RASGEF1C: variants seen among roughly 807,000 people sequenced by gnomAD.
The protein encoded by RASGEF1C is RasGEF domain family member 1C.
Under a neutral mutation model 58.1 loss-of-function variants are expected in RASGEF1C, and 27 were observed. The ratio of observed to expected loss-of-function variants is 0.46; its 90% CI spans 0.34 to 0.64. The LOEUF (loss-of-function observed/expected upper bound fraction) is 0.64, where lower values mean the gene tolerates loss of function less well. RASGEF1C is among the 30% of genes least tolerant of loss of function. The probability of loss-of-function intolerance (pLI) is 0.01; values close to 1 mark genes in which losing one functional copy is unlikely to be tolerated. For synonymous variants in RASGEF1C, 243 were observed against 246.3 expected, an observed-to-expected ratio of 0.99 and a Z score of 0.13; for missense variants, 502 against 605.1, an observed-to-expected ratio of 0.83 and a Z score of 1.79.
At chr5:180,192,513 A>G (rs1187066572) in intron 1 of RASGEF1C, among the ~76,000 whole-genome samples, 5 of 152,308 alleles carry the variant, frequency 3.3e-5, no homozygotes, top group South Asian at 2.1e-4. Flanking sequence ...GAAAACATTT[A>G]AATGTTTTTC....
At chr5:180,119,275 C>T in intron 8 of RASGEF1C, 71 bp downstream of exon 8, 1 of 1,305,650 alleles carries the variant, frequency 7.7e-7, no homozygotes, top group East Asian at 2.3e-5. Flanking sequence ...CTCTGCCTGC[C>T]TGGCTGCACC....
intron 12 of RASGEF1C, among the ~76,000 whole-genome samples, chr5:180,109,241 G>A (rs1765916739): frequency 1.3e-5 from 2 of 152,096 alleles, no homozygotes; most frequent in Non-Finnish European, 1.5e-5. Context: ...TGGATCATGA[G>A]GTCAGGAGAT....
intron 1 of RASGEF1C, among the ~76,000 whole-genome samples, chr5:180,172,570 C>T (rs1163210669): frequency 6.6e-6 from 1 of 152,198 alleles, no homozygotes; most frequent in Non-Finnish European, 1.5e-5. Context: ...AAAGCCTAGC[C>T]CCGGGTGTCT....
intron 1 of RASGEF1C, among the ~76,000 whole-genome samples, chr5:180,202,330 T>C (rs1286579332): frequency 6.6e-6 from 1 of 152,116 alleles, no homozygotes; most frequent in African/African-American, 2.4e-5. Context: ...TAATGGTACA[T>C]AATATTTAAC....
At chr5:180,108,829 G>T (rs1009626825) in intron 12 of RASGEF1C, among the ~76,000 whole-genome samples, 1 of 152,226 alleles carries the variant, frequency 6.6e-6, no homozygotes, top group Admixed American at 6.5e-5. Flanking sequence ...CCCAGCTGGG[G>T]CTCAGTACAT....
intron 12 of RASGEF1C, among the ~76,000 whole-genome samples, chr5:180,103,103 A>C (rs1465848824): frequency 6.6e-6 from 1 of 152,046 alleles, no homozygotes; most frequent in African/African-American, 2.4e-5. Context: ...TTGAGACAGA[A>C]GTCTCGCTCT....
At chr5:180,163,184 T>G (rs1166528829) in intron 1 of RASGEF1C, among the ~76,000 whole-genome samples, 2 of 149,564 alleles carry the variant, frequency 1.3e-5, no homozygotes, top group African/African-American at 4.9e-5. Flanking sequence ...CAGTTTTAGT[T>G]CTTGCCTTCC....
intron 1 of RASGEF1C, 113 bp from the exon 2 acceptor site, chr5:180,138,171 C>T (rs1766519319): frequency 3.4e-6 from 2 of 594,114 alleles, no homozygotes; most frequent in South Asian, 4.8e-5. Flanking sequence ...CCCCCACAGC[C>T]ACTTTGTGCC....
intron 1 of RASGEF1C, among the ~76,000 whole-genome samples, chr5:180,169,448 G>T (rs62406104): frequency 0.045 from 6,893 of 152,224 alleles, 329 homozygotes; most frequent in African/African-American, 0.12. Context: ...AAATGCAGTG[G>T]TTGGGGGCAG....
At chr5:180,174,788 C>T (rs1336710111) in intron 1 of RASGEF1C, among the ~76,000 whole-genome samples, 3 of 152,162 alleles carry the variant, frequency 2.0e-5, no homozygotes, top group Non-Finnish European at 4.4e-5. Flanking sequence ...CCGGTTCCTG[C>T]TTGACTTCAC....
intron 10 of RASGEF1C, 96 bp downstream of exon 10, chr5:180,118,513 G>A: frequency 8.7e-7 from 1 of 1,146,254 alleles, no homozygotes; most frequent in African/African-American, 1.5e-5. Flanking sequence ...GTCTATTACT[G>A]ATGCTGCAGG....
At chr5:180,166,776 A>C (rs1767030367) in intron 1 of RASGEF1C, among the ~76,000 whole-genome samples, 1 of 152,098 alleles carries the variant, frequency 6.6e-6, no homozygotes, top group Non-Finnish European at 1.5e-5. Flanking sequence ...TCGGCCTCCC[A>C]AAGTGCTGGG....
intron 4 of RASGEF1C, among the ~76,000 whole-genome samples, chr5:180,133,974 G>A (rs1045959181): frequency 3.9e-5 from 6 of 152,152 alleles, no homozygotes; most frequent in African/African-American, 9.7e-5. Context: ...CTGTTTTACC[G>A]ATAGGGAAAC....
intron 1 of RASGEF1C, among the ~76,000 whole-genome samples, chr5:180,207,948 T>C (rs1037557830): frequency 6.6e-6 from 1 of 152,222 alleles, no homozygotes; most frequent in African/African-American, 2.4e-5. Context: ...GGCCATGTCC[T>C]TGCTTTTGCC....
chr5:180,209,152 C>A lies in RASGEF1C; in HGVS notation c.-131G>T. The A allele has an allele frequency of 7.0e-6, 1 of 143,578 alleles. No individual in the cohort carries two copies. Among genetic ancestry groups the A allele is most frequent in the South Asian group, 1.9e-4 (1 of 5,172 alleles). The allele number at this position is 143,578 out of a possible 1,614,324, so 8.9% of individuals were successfully genotyped here. On this transcript the variant is annotated 5_prime_UTR_variant, in exon 1 of 14. Transcript: ENST00000361132. The stretch of plus-strand genomic sequence containing the variant: ...CGCCGCCGCCGCCGCCGCCGCCGCC[C>A]GACCGCCCGGCTCCCAGCGCAGCCC...
chr5:180,201,035 C>T (rs1756385791), intron 1 of RASGEF1C, among the ~76,000 whole-genome samples: 1 of 152,154 alleles, frequency 6.6e-6, no homozygotes. Context: ...GAGTTGGAGG[C>T]TGCAGTGAGC....
chr5:180,202,706 CT>C (rs1254362822), intron 1 of RASGEF1C, among the ~76,000 whole-genome samples: 446 of 140,672 alleles, frequency 3.2e-3, no homozygotes, highest in African/African-American at 5.8e-3. Context: ...ACAAGTCTTT[CT>C]TTTTTTTTTT....
At chr5:180,126,835 T>C (rs1017147642) in intron 6 of RASGEF1C, among the ~76,000 whole-genome samples, 3 of 152,092 alleles carry the variant, frequency 2.0e-5, no homozygotes, top group Non-Finnish European at 2.9e-5. Context: ...GTATGGAAAA[T>C]TGGGGTCAAG....
At chr5:180,159,782 G>GTT (rs2113299768) in intron 1 of RASGEF1C, among the ~76,000 whole-genome samples, 1 of 152,314 alleles carries the variant, frequency 6.6e-6, no homozygotes, top group South Asian at 2.1e-4. Flanking sequence ...CTTTCATTTT[G>GTT]TTTGTTTATT....
Sources: allele counts gnomAD v4.1 joint callset (sites outside exome capture counted in the v4.1 genomes callset), GRCh38; gene constraint gnomAD v4.1.1; transcripts MANE v1.5; gene names NCBI Gene and HGNC (gene_info 2026-07-23, HGNC 2026-07-21).